IGFALS: variants seen among roughly 807,000 people sequenced by gnomAD.
The protein encoded by IGFALS is insulin-like growth factor-binding protein complex acid labile subunit.
IGFALS carries 2 observed loss-of-function variants against 2.6 expected under a neutral mutation model. The ratio of observed to expected loss-of-function variants is 0.77; its 90% CI spans 0.32 to 2.44. The LOEUF (loss-of-function observed/expected upper bound fraction) is 2.44. Ranked by LOEUF, IGFALS falls within the 30% of genes most tolerant of loss-of-function variation. IGFALS has a pLI of 0.11. For synonymous variants in IGFALS, 519 were observed against 431.9 expected (o/e 1.20, Z -2.50); for missense variants, 996 against 848.7 (o/e 1.17, Z -2.16).
Position 1,791,950 on chromosome 16 carries a change from G to T in IGFALS, c.468C>A (p.Asn156Lys). ...PALASLGLSN[N>K]RLSRLEDGLF... ...GCCCGTCCTCCAGCCTGCTCAGACGGTTGTTGCTGAGGCCGAGCGAGGCCA... is the reference window on the plus strand; with the variant it reads ...GCCCGTCCTCCAGCCTGCTCAGACGTTTGTTGCTGAGGCCGAGCGAGGCCA... The change falls in exon 2 of 2, where the codon AAC becomes AAA. Residue 156 changes from asparagine to lysine, a missense_variant. Physicochemically the swap from Asn to Lys is moderately conservative, Grantham distance 94. Transcript: ENST00000215539. The T allele has an allele frequency of 3.1e-6, 5 of 1,594,720 alleles. No individual in the cohort carries two copies. Among genetic ancestry groups the T allele is most frequent in the Non-Finnish European group, 4.3e-6 (5 of 1,172,502 alleles).
chr16:1,793,628 G>T lies in IGFALS; in HGVS notation c.16+9C>A. ...CTAGAGTGGGTGGCGGGGCACTCGG[G>T]GGCCTCACCTTTCCTCAGGGCCATC... On this transcript the variant is annotated intron_variant, in intron 1 of 1. Transcript: ENST00000215539. The T allele has an allele frequency of 1.3e-6, 2 of 1,595,656 alleles. No individual in the cohort carries two copies. Among genetic ancestry groups the T allele is most frequent in the Non-Finnish European group, 1.7e-6 (2 of 1,170,852 alleles).
Position 1,791,625 on chromosome 16 carries a change from G to A in IGFALS, c.793C>T (p.Leu265=), listed in dbSNP as rs1329487642. 4 of 1,572,656 alleles carry A rather than the reference G, an allele frequency of 2.5e-6. No homozygotes were observed. Among genetic ancestry groups the A allele is most frequent in the African/African-American group, 1.4e-5 (1 of 73,926 alleles). ...AGGTCCAGCCATCGCAGCGCCTTCA[G>A]GCCCAGGAAGGCGCCCGGGGCCACG... ...AAVAPGAFLG[L]KALRWLDLSH... The change falls in exon 2 of 2, where the codon CTG becomes TTG. Residue 265 remains leucine (L), a synonymous_variant. Transcript: ENST00000215539.
In IGFALS at chr16:1,791,208, G is replaced by C. The variant is rs1313824374; in HGVS notation, c.1210C>G (p.His404Asp). ...EGSCLGRIRP[H>D]TFTGLSGLRR... ...AGCCCCGAGAGGCCGGTGAAGGTGT[G>C]CGGGCGGATGCGTCCCAGGCAGCTG... Residue 404 changes from histidine (H) to aspartate (D), a missense_variant, in exon 2 of 2, where the codon CAC (histidine) becomes GAC (aspartate). By Grantham distance (81) the His-to-Asp change is moderately conservative (BLOSUM62 -1). Transcript: ENST00000215539. 1.9e-6 allele frequency: 3 copies of C among 1,607,736 alleles called. No individual in the cohort carries two copies. In the African/African-American group the frequency reaches 4.0e-5, roughly 21 times the overall value.
Position 1,790,709 on chromosome 16 carries a change from T to C in IGFALS, c.1709A>G (p.Asp570Gly), listed in dbSNP as rs200236817. 6.2e-7 allele frequency: 1 copy of C among 1,608,750 alleles called. No individual in the cohort carries two copies. The highest frequency in any genetic ancestry group is 1.7e-5 in the Admixed American group (1 of 59,416). ...RFVQAICEGD[D>G]CQPPAYTYNN... ...GTAGGTGTACGCGGGCGGCTGGCAA[T>C]CGTCCCCCTCACAGATGGCCTGGAC... Residue 570 changes from aspartate (D) to glycine (G), a missense_variant, in exon 2 of 2, where the codon GAT (aspartate) becomes GGT (glycine). Coordinates refer to ENST00000215539, the MANE Select transcript of IGFALS (RefSeq NM_004970.3).
rs1224226693 is a variant in IGFALS at position 1,792,448 on chromosome 16, CG to C, written c.17-48del. On this transcript the variant is annotated intron_variant, in intron 1 of 1. Transcript: ENST00000215539. The stretch of plus-strand genomic sequence containing the variant: ...GAGGCGGCCCGAGGAGGGCTCTGCC[CG>C]AGTGAGCCTGATACCAGCACAGCCG... 3 of 1,497,354 alleles carry C rather than the reference CG, an allele frequency of 2.0e-6. No homozygotes were observed. In the Admixed American group the frequency reaches 6.6e-5, roughly 33 times the overall value. 92.8% of individuals were successfully genotyped at this position (1,497,354 alleles called of 1,614,324 possible).
upstream of IGFALS, chr16:1,793,773 AACCCAGCTGGCCCT>A: frequency 9.8e-7 from 1 of 1,019,920 alleles, no homozygotes; most frequent in African/African-American, 1.6e-5. Flanking sequence ...TGGCTGGCCC[AACCCAGCTGGCCCT>A]GGCTCTGTTA....
Position 1,791,136 on chromosome 16 carries a change from G to T in IGFALS, c.1282C>A (p.Gln428Lys). The T allele has an allele frequency of 6.2e-7, 1 of 1,605,020 alleles. No individual in the cohort carries two copies. Reference sequence around the variant, plus strand: ...AGCTCCGCCAGCCCCCACAGGCTCTGCTCCTCAATGCCCACGAGGCCGTTG... The same window carrying T: ...AGCTCCGCCAGCCCCCACAGGCTCTTCTCCTCAATGCCCACGAGGCCGTTG... Reference protein sequence around the residue: ...KDNGLVGIEEQSLWGLAELLE... With the variant: ...KDNGLVGIEEKSLWGLAELLE... The change falls in exon 2 of 2, where the codon CAG becomes AAG. Residue 428 changes from glutamine (Q) to lysine (K), a missense_variant. By Grantham distance (53) the Gln-to-Lys change is moderately conservative (BLOSUM62 1). Coordinates refer to ENST00000215539, the MANE Select transcript of IGFALS (RefSeq NM_004970.3).
Position 1,791,316 on chromosome 16 carries a change from T to G in IGFALS, c.1102A>C (p.Asn368His). The G allele has an allele frequency of 1.2e-6, 2 of 1,608,712 alleles. No individual in the cohort carries two copies. The highest frequency in any genetic ancestry group is 1.7e-6 in the Non-Finnish European group (2 of 1,179,956). The stretch of plus-strand genomic sequence containing the variant: ...TTCCGGAGACAGTTCCCAGAGAGGT[T>G]CATGACCGCCACGTTGGTGAGGCCG... ...FLGLTNVAVMNLSGNCLRNLP... is the reference protein window; with the variant it reads ...FLGLTNVAVMHLSGNCLRNLP... Residue 368 changes from asparagine (N) to histidine (H), a missense_variant, in exon 2 of 2, where the codon AAC becomes CAC. Physicochemically the swap from Asn to His is moderately conservative, Grantham distance 68. Transcript: ENST00000215539.
At chr16:1,793,509 C>A (rs1897275773) in intron 1 of IGFALS, 128 bp downstream of exon 1, 2 of 795,428 alleles carry the variant, frequency 2.5e-6, no homozygotes, top group Non-Finnish European at 3.9e-6. Context: ...TCCCCAGAGT[C>A]CCCCGCAGAC....
chr16:1,794,070 T>G (rs1897286770), upstream of IGFALS, among the ~76,000 whole-genome samples: 2 of 152,046 alleles, frequency 1.3e-5, no homozygotes, highest in Admixed American at 1.3e-4. Flanking sequence ...AGGGGGCTCC[T>G]CGGGCAGCTC....
rs768574755 is a variant in IGFALS, at chr16:1,791,247, G to A, written c.1171C>T (p.Leu391=). Residue 391 remains leucine (L), a synonymous_variant, in exon 2 of 2, where the codon CTG becomes TTG. Transcript: ENST00000215539. ...VFRGLGKLHS[L]HLEGSCLGRI... is the part of the protein sequence containing the mutation. Reference sequence around the variant, plus strand: ...CCCAGGCAGCTGCCCTCCAGGTGCAGGCTGTGCAGCTTGCCCAGGCCCCGG... The same window carrying A: ...CCCAGGCAGCTGCCCTCCAGGTGCAAGCTGTGCAGCTTGCCCAGGCCCCGG... 1 of 1,608,954 alleles carries A rather than the reference G, an allele frequency of 6.2e-7. No homozygotes were observed. The highest frequency in any genetic ancestry group is 8.5e-7 in the Non-Finnish European group (1 of 1,179,922).
upstream of IGFALS, among the ~76,000 whole-genome samples, chr16:1,794,372 A>G (rs1897291024): frequency 1.3e-5 from 2 of 152,110 alleles, no homozygotes; most frequent in Admixed American, 1.3e-4. Flanking sequence ...GCCCTGCGCC[A>G]TCCTCGGGGA....
chr16:1,791,425 C>G lies in IGFALS; in HGVS notation c.993G>C (p.Glu331Asp). 1 of 1,612,136 alleles carries G rather than the reference C, an allele frequency of 6.2e-7. No individual in the cohort carries two copies. Among genetic ancestry groups the G allele is most frequent in the East Asian group, 2.2e-5 (1 of 44,870 alleles). The change falls in exon 2 of 2, where the codon GAG becomes GAC. Residue 331 changes from glutamate (E) to aspartate (D), a missense_variant. By Grantham distance (45) the Glu-to-Asp change is conservative (BLOSUM62 2). Transcript: ENST00000215539. ...GCTGCCCCAGGCCCTCAAAGCTGCG[C>G]TCAGCCAGCTGCCGGATGCGGTTGT... ...LGHNRIRQLA[E>D]RSFEGLGQLE...
In IGFALS at chr16:1,790,976, AG is replaced by A; in HGVS notation, c.1441del (p.Leu481CysfsTer188). On this transcript the variant is annotated frameshift_variant, in exon 2 of 2. Transcript: ENST00000215539. LOFTEE classifies it low-confidence loss of function (END_TRUNC). ...AELPADALGP[L>X]QRAFWLDVSH... is the part of the protein sequence containing the mutation. ...GACGTCCAGCCAGAAGGCCCGCTGCAGGGGGCCCAGGGCGTCCGCCGGCAGC... is the reference window on the plus strand; with the variant it reads ...GACGTCCAGCCAGAAGGCCCGCTGCAGGGGCCCAGGGCGTCCGCCGGCAGC... 1 of 1,597,088 alleles carries A rather than the reference AG, an allele frequency of 6.3e-7. No homozygotes were observed. The highest frequency in any genetic ancestry group is 8.5e-7 in the Non-Finnish European group (1 of 1,179,242).
rs745841900 is a variant in IGFALS at position 1,790,819 on chromosome 16, C to T, written c.1599G>A (p.Leu533=). ...AGCCACAGTCCCAGGGGTTACCCTC[C>T]AGCCACAGGCGCTCCAGGCCCGGGG... ...PQPPGLERLW[L]EGNPWDCGCP... is the part of the protein sequence containing the mutation. Residue 533 remains leucine (L), a synonymous_variant, in exon 2 of 2, where the codon CTG becomes CTA. Coordinates refer to ENST00000215539, the MANE Select transcript of IGFALS (RefSeq NM_004970.3). 4.5e-6 allele frequency: 7 copies of T among 1,568,802 alleles called. No homozygotes were observed. Among genetic ancestry groups the T allele is most frequent in the African/African-American group, 2.7e-5 (2 of 73,888 alleles).
At position 1,791,845 on chromosome 16, in the gene IGFALS, G is replaced by T. The variant is rs778091834; in HGVS notation, c.573C>A (p.Arg191=). The T allele has an allele frequency of 1.9e-6, 3 of 1,551,882 alleles. No individual in the cohort carries two copies. Among genetic ancestry groups the T allele is most frequent in the Non-Finnish European group, 2.6e-6 (3 of 1,149,664 alleles). ...CCAGCTCGCGCAGGCTGCCCAGGCC[G>T]CGGAACGCCGCATCGGGGAGCACCG... ...SLAVLPDAAF[R]GLGSLRELVL... is the part of the protein sequence containing the mutation. The change falls in exon 2 of 2, where the codon CGC becomes CGA. Residue 191 remains arginine (R), a synonymous_variant. Coordinates refer to ENST00000215539, the MANE Select transcript of IGFALS (RefSeq NM_004970.3).
Position 1,790,941 on chromosome 16 carries a change from G to T in IGFALS, c.1477C>A (p.Arg493Ser), listed in dbSNP as rs544452737. ...RAFWLDVSHNRLEALPNSLLA... is the reference protein window; with the variant it reads ...RAFWLDVSHNSLEALPNSLLA... ...AGGCTGTTGGGCAATGCCTCCAGGCGGTTGTGCGAGACGTCCAGCCAGAAG... is the reference window on the plus strand; with the variant it reads ...AGGCTGTTGGGCAATGCCTCCAGGCTGTTGTGCGAGACGTCCAGCCAGAAG... The change falls in exon 2 of 2, where the codon CGC becomes AGC. Residue 493 changes from arginine to serine, a missense_variant. Arg to Ser is a moderately radical substitution (Grantham distance 110). Transcript: ENST00000215539. 6.3e-7 allele frequency: 1 copy of T among 1,594,376 alleles called. No homozygotes were observed. Among genetic ancestry groups the T allele is most frequent in the Admixed American group, 1.7e-5 (1 of 59,110 alleles).
chr16:1,794,885 A>G (rs1897297256), upstream of IGFALS: 4 of 702,262 alleles, frequency 5.7e-6, no homozygotes, highest in Non-Finnish European at 7.8e-6. Context: ...GCCCACTGTC[A>G]TCGTCTTCCC....
intron 1 of IGFALS, 148 bp downstream of exon 1, chr16:1,793,489 G>C: frequency 1.5e-6 from 1 of 658,238 alleles, no homozygotes; most frequent in Non-Finnish European, 2.5e-6. Flanking sequence ...CCGCATTTCC[G>C]ACTGTGGGCT....
Sources: allele counts gnomAD v4.1 joint callset (sites outside exome capture counted in the v4.1 genomes callset), GRCh38; gene constraint gnomAD v4.1.1; transcripts MANE v1.5; gene names NCBI Gene and HGNC (gene_info 2026-07-23, HGNC 2026-07-21).